USP36: variants seen among roughly 807,000 people sequenced by gnomAD.
The protein encoded by USP36 is ubiquitin specific peptidase 36.
A neutral mutation model predicts 111.5 loss-of-function variants in USP36; 59 were observed. The observed-to-expected ratio is 0.53, with a 90% CI of 0.43 to 0.66. The LOEUF (loss-of-function observed/expected upper bound fraction) is 0.66, where lower values mean the gene tolerates loss of function less well. Ranked by LOEUF, USP36 falls within the 30% of genes least tolerant of loss-of-function variation. The pLI, the probability that USP36 is intolerant of heterozygous loss-of-function variation, is 0.00. For synonymous variants in USP36, 628 were observed against 581.0 expected (o/e 1.08, Z -1.16); for missense variants, 1,488 against 1,468.0 (o/e 1.01, Z -0.22).
At position 78,803,631 on chromosome 17, in the gene USP36, G is replaced by A; in HGVS notation, c.2564C>T (p.Thr855Ile). The change falls in exon 16 of 21, where the codon ACA becomes ATA. Residue 855 changes from threonine (T) to isoleucine (I), a missense_variant. By Grantham distance (89) the Thr-to-Ile change is moderately conservative (BLOSUM62 -1). This residue lies in a region of USP36 where 1,073 missense variants were observed against 994.1 expected (regional missense o/e 1.08). Coordinates refer to ENST00000449938, the MANE Select transcript of USP36 (RefSeq NM_001385174.1). This position sits in a 1 kb window ranked among gnomAD's most constrained non-coding sequence, Gnocchi z 4.6. ...KRKKKKRPEDTAASALQEGQT... is the reference protein window; with the variant it reads ...KRKKKKRPEDIAASALQEGQT... ...CCCCTCCTGCAGGGCGCTGGCAGCT[G>A]TGTCCTCCGGGCGCTTCTTCTTCTT... The A allele has an allele frequency of 6.2e-7, 1 of 1,611,294 alleles. No individual in the cohort carries two copies. Among genetic ancestry groups the A allele is most frequent in the Admixed American group, 1.7e-5 (1 of 59,948 alleles).
At chr17:78,802,172 CTCG>C in intron 17 of USP36, 149 bp downstream of exon 17, 2 of 906,636 alleles carry the variant, frequency 2.2e-6, no homozygotes, top group Non-Finnish European at 3.2e-6. Context: ...CCCCCACCCC[CTCG>C]CCCGGTGCAC....
At chr17:78,791,974 T>C (rs928991588), downstream of USP36, 3 of 152,186 alleles carry the variant, frequency 2.0e-5, no homozygotes, top group Non-Finnish European at 4.4e-5. Context: ...GTGGGATGTA[T>C]TGACTGGATC....
chr17:78,821,528 AG>A (rs1246120960), intron 7 of USP36, among the ~76,000 whole-genome samples: 1 of 146,494 alleles, frequency 6.8e-6, no homozygotes, highest in Non-Finnish European at 1.5e-5. Flanking sequence ...CTTGGGTTCA[AG>A]CAATTCTCCT....
At chr17:78,820,037 A>G (rs1366281540) in intron 8 of USP36, 25 bp from the exon 9 acceptor site, 1 of 1,611,998 alleles carries the variant, frequency 6.2e-7, no homozygotes, top group Non-Finnish European at 8.5e-7. Flanking sequence ...AACAGGGAGT[A>G]AAATACACAG....
At chr17:78,794,218 T>C (rs1267823086), downstream of USP36, among the ~76,000 whole-genome samples, 23 of 152,256 alleles carry the variant, frequency 1.5e-4, no homozygotes, top group Non-Finnish European at 1.5e-5. Flanking sequence ...GCTCACCTGC[T>C]GTTCTCTGCA....
At chr17:78,837,544 G>C (rs1053785511) in intron 2 of USP36, among the ~76,000 whole-genome samples, 3 of 152,080 alleles carry the variant, frequency 2.0e-5, no homozygotes. Context: ...ACAGAGGATC[G>C]ATACTGTTGG....
intron 13 of USP36, among the ~76,000 whole-genome samples, chr17:78,809,349 T>C (rs2093992957): frequency 6.6e-6 from 1 of 152,228 alleles, no homozygotes; most frequent in South Asian, 2.1e-4. Context: ...TTCTATTCTT[T>C]GTTAATACTG....
At chr17:78,835,019 T>TATATATATATATATATATATATA (rs1567972760) in intron 4 of USP36, among the ~76,000 whole-genome samples, 1 of 122,142 alleles carries the variant, frequency 8.2e-6, no homozygotes, top group African/African-American at 3.7e-5. Flanking sequence ...ATATATATAT[T>TATATATATATATATATATATATA]TTGGAAGTAT....
At chr17:78,821,386 G>A (rs545476169) in intron 7 of USP36, 41 of 78,356 alleles carry the variant, frequency 5.2e-4, no homozygotes, top group African/African-American at 2.2e-3. Flanking sequence ...TTCCTAATGA[G>A]AATATATATA....
intron 13 of USP36, among the ~76,000 whole-genome samples, chr17:78,809,674 C>T (rs1274951039): frequency 6.6e-6 from 1 of 152,012 alleles, no homozygotes; most frequent in East Asian, 1.9e-4. Context: ...TTCTGTTGTC[C>T]AGGCTGGAGC....
At chr17:78,829,046 CT>C (rs757381378) in intron 4 of USP36, 39 bp from the exon 5 acceptor site, 4 of 1,588,680 alleles carry the variant, frequency 2.5e-6, no homozygotes, top group Admixed American at 1.7e-5. Flanking sequence ...AAGACAAGAG[CT>C]TTCAAAGAAC....
intron 16 of USP36, among the ~76,000 whole-genome samples, chr17:78,802,977 C>T (rs1049698424): frequency 1.3e-5 from 2 of 151,972 alleles, no homozygotes; most frequent in African/African-American, 4.8e-5. Context: ...GTTTAGCTGT[C>T]ACCCAGGCTG....
chr17:78,798,360 A>C lies in USP36; in HGVS notation c.*20+40T>G, dbSNP rs1172840473. ...CCCTACACACATACACGGCACACAC[A>C]CCCCCACCTCACCCTTACACCCACC... On this transcript the variant is annotated intron_variant, in intron 20 of 20. Coordinates refer to ENST00000449938, the MANE Select transcript of USP36 (RefSeq NM_001385174.1). This position sits in a 1 kb window ranked among gnomAD's most constrained non-coding sequence, Gnocchi z 5.1. 42 of 1,605,814 alleles carry C rather than the reference A, an allele frequency of 2.6e-5. No homozygotes were observed. The highest frequency in any genetic ancestry group is 3.4e-5 in the Non-Finnish European group (40 of 1,177,540).
At position 78,803,314 on chromosome 17, in the gene USP36, G is replaced by A; in HGVS notation, c.2810+71C>T. On this transcript the variant is annotated intron_variant, in intron 16 of 20. Transcript: ENST00000449938. The surrounding 1 kb of genome is among the most constrained non-coding windows in gnomAD (Gnocchi z 4.6). The stretch of plus-strand genomic sequence containing the variant: ...TACGTTTCCAGACCATACCTACTTG[G>A]GGGTAGATTCTGTGGTTTTGCTTTG... The A allele has an allele frequency of 6.7e-7, 1 of 1,498,770 alleles. No homozygotes were observed. The highest frequency in any genetic ancestry group is 9.1e-7 in the Non-Finnish European group (1 of 1,097,252). The allele number at this position is 1,498,770 out of a possible 1,614,324, so 92.8% of individuals were successfully genotyped here. A position where few individuals can be genotyped will look rare whatever the true frequency, so the allele number is the denominator to read the frequency against.
chr17:78,802,411 T>C lies in USP36; in HGVS notation c.2935A>G (p.Arg979Gly), dbSNP rs1026954639. The part of the protein sequence containing the change: ...VEEDGHLKCP[R>G]SAKPQDAVVP... Reference sequence around the variant, plus strand: ...ACAGCATCTTGGGGCTTGGCACTCCTTGGGCATTTGAGATGCCCATCCTCT... The same window carrying C: ...ACAGCATCTTGGGGCTTGGCACTCCCTGGGCATTTGAGATGCCCATCCTCT... Residue 979 changes from arginine (R) to glycine (G), a missense_variant, in exon 17 of 21, where the codon AGG (arginine) becomes GGG (glycine). Around this residue, in one of 3 missense-constraint regions of USP36, gnomAD observed 1,073 missense variants for 994.1 expected, o/e 1.08. Coordinates refer to ENST00000449938, the MANE Select transcript of USP36 (RefSeq NM_001385174.1). The C allele has an allele frequency of 6.2e-7, 1 of 1,612,326 alleles. No homozygotes were observed.
At chr17:78,812,198 GT>G (rs1321287018) in intron 13 of USP36, among the ~76,000 whole-genome samples, 1 of 151,888 alleles carries the variant, frequency 6.6e-6, no homozygotes, top group East Asian at 1.9e-4. Context: ...AAAAAAAAAA[GT>G]TTGCTTGGCA....
intron 5 of USP36, among the ~76,000 whole-genome samples, chr17:78,828,046 A>G (rs2067735883): frequency 6.6e-6 from 1 of 152,232 alleles, no homozygotes; most frequent in Non-Finnish European, 1.5e-5. Flanking sequence ...CAACATGGCC[A>G]GACCCCATCT....
At chr17:78,839,521 G>A (rs919638165) in intron 1 of USP36, among the ~76,000 whole-genome samples, 7 of 152,206 alleles carry the variant, frequency 4.6e-5, no homozygotes, top group African/African-American at 1.4e-4. Flanking sequence ...TACCCTGGAA[G>A]GTGAGAACTC....
rs1255110634 is a variant in USP36, at chr17:78,818,587, G to A, written c.1023+80C>T. On this transcript the variant is annotated intron_variant, in intron 10 of 20. Coordinates refer to ENST00000449938, the MANE Select transcript of USP36 (RefSeq NM_001385174.1). ...TGTGTAAACAGCAGCTATCAAACTC[G>A]TGGCTATCACTTTCTTCGTGTTATT... The A allele has an allele frequency of 5.5e-6, 7 of 1,267,332 alleles. No homozygotes were observed. In the South Asian group the frequency reaches 6.0e-5, roughly 11 times the overall value. 78.5% of individuals were successfully genotyped at this position (1,267,332 alleles called of 1,614,324 possible). A position where few individuals can be genotyped will look rare whatever the true frequency, so the allele number is the denominator to read the frequency against.
Sources: allele counts gnomAD v4.1 joint callset (sites outside exome capture counted in the v4.1 genomes callset), GRCh38; gene constraint gnomAD v4.1.1; regional missense constraint gnomAD v4.1.1; non-coding constraint Gnocchi (gnomAD v3.1); transcripts MANE v1.5; gene names NCBI Gene and HGNC (gene_info 2026-07-23, HGNC 2026-07-21).